The following SGCZ variants were observed in gnomAD, a reference collection of about 807,000 sequenced individuals.
SGCZ encodes zeta-sarcoglycan.
Under a neutral mutation model 41.3 loss-of-function variants are expected in SGCZ, and 40 were observed. That is an observed-to-expected ratio of 0.97 (90% CI 0.75 to 1.26). SGCZ has a LOEUF of 1.26. SGCZ is among the 50% of genes most tolerant of loss of function. The pLI is 0.00. For missense variants in SGCZ, 552 were observed against 369.8 expected, an observed-to-expected ratio of 1.49 and a Z score of -4.04; for synonymous variants, 206 against 137.5, an observed-to-expected ratio of 1.50 and a Z score of -3.49.
At chr8:14,774,086 A>T (rs1800329427) in intron 1 of SGCZ, among the ~76,000 whole-genome samples, 1 of 152,148 alleles carries the variant, frequency 6.6e-6, no homozygotes, top group Non-Finnish European at 1.5e-5. Context: ...GTTGAGATTA[A>T]CATTTAAATC....
At chr8:14,346,149 A>G (rs557637482) in intron 2 of SGCZ, among the ~76,000 whole-genome samples, 1 of 152,226 alleles carries the variant, frequency 6.6e-6, no homozygotes, top group African/African-American at 2.4e-5. Flanking sequence ...GTTGTAACAA[A>G]TGTATCACAA....
chr8:14,344,509 T>A (rs1307802103), intron 2 of SGCZ, among the ~76,000 whole-genome samples: 3 of 151,762 alleles, frequency 2.0e-5, no homozygotes, highest in Admixed American at 1.3e-4. Context: ...ATAAACAACA[T>A]CTTAAAAACC....
At chr8:14,509,885 T>G (rs1256044542) in intron 2 of SGCZ, among the ~76,000 whole-genome samples, 1 of 152,028 alleles carries the variant, frequency 6.6e-6, no homozygotes, top group Non-Finnish European at 1.5e-5. Flanking sequence ...TGAGATTTCA[T>G]GAGAACTCAC....
Position 14,113,551 on chromosome 8 carries a change from G to GTTTT in SGCZ, c.548-5320_548-5317dup, listed in dbSNP as rs150380182. Among the ~76,000 whole-genome samples, 444 of 151,988 alleles carry GTTTT rather than the reference G, an allele frequency of 2.9e-3. 3 individuals are homozygous for GTTTT. The highest frequency in any genetic ancestry group is 0.01 in the African/African-American group (423 of 41,496). On this transcript the variant is annotated intron_variant, in intron 5 of 7. Coordinates refer to ENST00000382080, the MANE Select transcript of SGCZ (RefSeq NM_139167.4). ...AGCCTTTTTTGAGTTTTCTCCTTTTGTTTTTTAATTCTAGTTTGATTAATG... is the reference window on the plus strand; with the variant it reads ...AGCCTTTTTTGAGTTTTCTCCTTTTGTTTTTTTTTTAATTCTAGTTTGATTAATG...
chr8:14,398,574 C>A (rs1003616301), intron 2 of SGCZ, among the ~76,000 whole-genome samples: 4 of 152,122 alleles, frequency 2.6e-5, no homozygotes, highest in Non-Finnish European at 5.9e-5. Context: ...GTCCTGGACA[C>A]ACTTCCAAGT....
chr8:14,923,729 T>A (rs1180408899), intron 1 of SGCZ, among the ~76,000 whole-genome samples: 1 of 152,232 alleles, frequency 6.6e-6, no homozygotes, highest in African/African-American at 2.4e-5. Context: ...TTCTTTGCCG[T>A]ATGCTTAGAG....
chr8:14,862,912 G>A (rs1386975955), intron 1 of SGCZ, among the ~76,000 whole-genome samples: 2 of 152,032 alleles, frequency 1.3e-5, no homozygotes, highest in Non-Finnish European at 2.9e-5. Flanking sequence ...CTGCTTTTGA[G>A]AAGCAGCTCG....
chr8:14,327,820 C>G (rs894007747), intron 2 of SGCZ, among the ~76,000 whole-genome samples: 1 of 152,148 alleles, frequency 6.6e-6, no homozygotes, highest in Non-Finnish European at 1.5e-5. Context: ...CTCGCTCTTT[C>G]GCCAGGCTGG....
chr8:14,640,345 C>T (rs989379481), intron 1 of SGCZ, among the ~76,000 whole-genome samples: 2 of 151,636 alleles, frequency 1.3e-5, no homozygotes, highest in African/African-American at 4.8e-5. Flanking sequence ...ACTTTTAGCA[C>T]TTTGAAGATA....
chr8:14,518,844 G>A (rs1176914270), intron 2 of SGCZ, among the ~76,000 whole-genome samples: 3 of 146,898 alleles, frequency 2.0e-5, no homozygotes, highest in Non-Finnish European at 3.0e-5. Context: ...ATCACTTGAC[G>A]CCAGGAGTTC....
At chr8:14,749,741 G>T (rs1378472982) in intron 1 of SGCZ, among the ~76,000 whole-genome samples, 2 of 151,974 alleles carry the variant, frequency 1.3e-5, no homozygotes, top group African/African-American at 4.8e-5. Flanking sequence ...AATCAGTCAG[G>T]ATTCAGAATG....
At chr8:14,580,325 C>A (rs17309569) in intron 1 of SGCZ, among the ~76,000 whole-genome samples, 34,454 of 152,014 alleles carry the variant, frequency 0.23, 4,256 homozygotes, top group Non-Finnish European at 0.28. Flanking sequence ...TCTGATTTTT[C>A]AGTTATCTGG....
At chr8:14,862,492 A>G (rs569431403) in intron 1 of SGCZ, among the ~76,000 whole-genome samples, 3 of 146,378 alleles carry the variant, frequency 2.0e-5, no homozygotes, top group Admixed American at 6.9e-5. Context: ...AATGAGACCA[A>G]ATTTCCAAGT....
intron 2 of SGCZ, among the ~76,000 whole-genome samples, chr8:14,514,678 T>C (rs988237606): frequency 6.7e-6 from 1 of 149,384 alleles, no homozygotes; most frequent in African/African-American, 2.4e-5. Context: ...TGTAAATATA[T>C]ATACGTATAT....
At chr8:14,953,949 C>T (rs942683122) in intron 1 of SGCZ, among the ~76,000 whole-genome samples, 1 of 152,116 alleles carries the variant, frequency 6.6e-6, no homozygotes, top group Non-Finnish European at 1.5e-5. Context: ...ATCCCCAGTC[C>T]TTTCAGTGTT....
At chr8:14,838,839 T>A (rs887283675) in intron 1 of SGCZ, among the ~76,000 whole-genome samples, 5 of 152,158 alleles carry the variant, frequency 3.3e-5, no homozygotes, top group African/African-American at 4.8e-5. Context: ...TCCTCCGGAC[T>A]GATGCCAGAG....
intron 1 of SGCZ, among the ~76,000 whole-genome samples, chr8:15,104,377 G>C (rs1806735596): frequency 6.6e-6 from 1 of 152,102 alleles, no homozygotes; most frequent in Non-Finnish European, 1.5e-5. Context: ...TGCACACACT[G>C]GCACATCAGA....
chr8:14,933,577 G>C (rs1368446889), intron 1 of SGCZ, among the ~76,000 whole-genome samples: 1 of 151,540 alleles, frequency 6.6e-6, no homozygotes, highest in African/African-American at 2.4e-5. Context: ...GACTACAGGC[G>C]CCTGCCACCA....
intron 1 of SGCZ, among the ~76,000 whole-genome samples, chr8:15,228,843 A>C (rs139294908): frequency 6.6e-6 from 1 of 152,348 alleles, no homozygotes; most frequent in African/African-American, 2.4e-5. Context: ...TGCAAACAAA[A>C]ACTGGATACT....
Sources: allele counts gnomAD v4.1 joint callset (sites outside exome capture counted in the v4.1 genomes callset), GRCh38; gene constraint gnomAD v4.1.1; transcripts MANE v1.5; gene names NCBI Gene and HGNC (gene_info 2026-07-23, HGNC 2026-07-21).